The following CDK14 variants were observed in gnomAD, a reference collection of about 807,000 sequenced individuals.
CDK14 encodes cyclin dependent kinase 14.
In CDK14, 34 loss-of-function variants were observed where a neutral mutation model predicts 60.7. That is an observed-to-expected ratio of 0.56 (90% CI 0.43 to 0.75). CDK14 has a LOEUF of 0.75. Ranked by LOEUF, CDK14 falls within the 30% of genes least tolerant of loss-of-function variation. The probability of loss-of-function intolerance (pLI) is 0.00; values close to 1 mark genes in which losing one functional copy is unlikely to be tolerated. For synonymous variants in CDK14, 197 were observed against 203.7 expected (o/e 0.97, Z 0.28); for missense variants, 482 against 564.1 (o/e 0.85, Z 1.47).
chr7:90,727,168 A>C (rs543666563), intron 3 of CDK14, among the ~76,000 whole-genome samples: 4 of 152,308 alleles, frequency 2.6e-5, no homozygotes, highest in South Asian at 4.1e-4. Flanking sequence ...AAATTAGCAA[A>C]TTCACAAGGA....
intron 14 of CDK14, among the ~76,000 whole-genome samples, chr7:91,158,303 C>T (rs1005486047): frequency 1.3e-5 from 2 of 151,910 alleles, no homozygotes; most frequent in African/African-American, 4.8e-5. Flanking sequence ...GTCTCGACCT[C>T]CCGCGCTCAA....
chr7:91,048,164 C>T (rs898724287), intron 11 of CDK14, among the ~76,000 whole-genome samples: 2 of 152,178 alleles, frequency 1.3e-5, no homozygotes, highest in African/African-American at 4.8e-5. Flanking sequence ...CCAACTTCCC[C>T]TGAACCACTG....
intron 14 of CDK14, among the ~76,000 whole-genome samples, chr7:91,182,082 T>C (rs570387335): frequency 7.9e-5 from 12 of 152,252 alleles, no homozygotes; most frequent in African/African-American, 2.9e-4. Context: ...CTTTCTGATC[T>C]TAAAATGATA....
At chr7:90,987,041 A>C (rs1167922960) in intron 10 of CDK14, among the ~76,000 whole-genome samples, 1 of 152,012 alleles carries the variant, frequency 6.6e-6, no homozygotes, top group African/African-American at 2.4e-5. Flanking sequence ...ATACAGCAAC[A>C]GAACAAAAAG....
intron 9 of CDK14, among the ~76,000 whole-genome samples, chr7:90,978,727 T>C (rs1389421482): frequency 6.6e-6 from 1 of 152,148 alleles, no homozygotes; most frequent in Non-Finnish European, 1.5e-5. Flanking sequence ...CAGTTCAAAA[T>C]ACTTTAGAGA....
chr7:91,117,175 TAGC>T (rs1382576668), intron 13 of CDK14, among the ~76,000 whole-genome samples: 2 of 150,334 alleles, frequency 1.3e-5, no homozygotes, highest in Non-Finnish European at 3.0e-5. Context: ...TGTCAATAAA[TAGC>T]AGCATCATTC....
intron 8 of CDK14, among the ~76,000 whole-genome samples, chr7:90,923,278 T>G (rs1002888094): frequency 2.6e-5 from 4 of 151,792 alleles, no homozygotes; most frequent in Admixed American, 1.3e-4. Context: ...CCTGGCTAAT[T>G]TTTTGTATTT....
intron 2 of CDK14, 135 bp downstream of exon 2, chr7:90,604,384 TTATTA>T: frequency 2.0e-6 from 1 of 488,664 alleles, no homozygotes; most frequent in Non-Finnish European, 3.6e-6. Context: ...TTTCATTGCA[TTATTA>T]TATTTTCAAA....
intron 4 of CDK14, among the ~76,000 whole-genome samples, chr7:90,762,963 A>T (rs1804383691): frequency 6.6e-6 from 1 of 152,174 alleles, no homozygotes; most frequent in African/African-American, 2.4e-5. Flanking sequence ...TGGGCAAGAG[A>T]GTGAGACCCT....
At chr7:90,785,792 A>AG in intron 4 of CDK14, among the ~76,000 whole-genome samples, 1 of 145,900 alleles carries the variant, frequency 6.9e-6, no homozygotes, top group Non-Finnish European at 1.5e-5. Context: ...GTCTCAAAAA[A>AG]AAAAAAAAAA....
intron 12 of CDK14, among the ~76,000 whole-genome samples, chr7:91,111,485 G>A (rs1472593681): frequency 6.6e-6 from 1 of 152,144 alleles, no homozygotes; most frequent in Non-Finnish European, 1.5e-5. Flanking sequence ...GAATCCATTG[G>A]GAAATGCCTT....
chr7:90,761,721 A>T (rs1804320152), intron 4 of CDK14, among the ~76,000 whole-genome samples: 1 of 152,236 alleles, frequency 6.6e-6, no homozygotes, highest in Admixed American at 6.5e-5. Flanking sequence ...TGAACAGGAC[A>T]GTCTCCTGCA....
chr7:90,824,637 T>C (rs2213979), intron 5 of CDK14: 140,060 of 152,258 alleles, frequency 0.92, 64,539 homozygotes, highest in East Asian at 1. Flanking sequence ...ACAAGTTACT[T>C]AACAAAATTG....
intron 2 of CDK14, chr7:90,710,365 G>A (rs1802016349): frequency 1.0e-6 from 1 of 985,246 alleles, no homozygotes; most frequent in Non-Finnish European, 1.2e-6. Flanking sequence ...TGCCCTCTGA[G>A]TCAAGCAAGT....
chr7:90,954,630 T>TAGAGGGAAAAAAAAACAGACCTACAAA lies in CDK14; in HGVS notation c.827-1067_827-1066insAGAGGGAAAAAAAAACAGACCTACAAA, dbSNP rs770504698. Among the ~76,000 whole-genome samples, 34 of 18,166 alleles carry TAGAGGGAAAAAAAAACAGACCTACAAA rather than the reference T, an allele frequency of 1.9e-3. 4 individuals carry two copies. Among genetic ancestry groups the TAGAGGGAAAAAAAAACAGACCTACAAA allele is most frequent in the South Asian group, 4.3e-3 (2 of 466 alleles). 11.9% of individuals were successfully genotyped at this position (18,166 alleles called of 152,430 possible). A position where few individuals can be genotyped will look rare whatever the true frequency, so the allele number is the denominator to read the frequency against. The stretch of plus-strand genomic sequence containing the variant: ...GCCAAACTTTTTTCTTTTTTTTTTT[T>TAGAGGGAAAAAAAAACAGACCTACAAA]TTTTTTTTTTTTGAGACGGAGTCTC... On this transcript the variant is annotated intron_variant, in intron 8 of 14. Transcript: ENST00000380050.
chr7:90,757,551 C>A (rs1353079338), intron 4 of CDK14, among the ~76,000 whole-genome samples: 3 of 151,588 alleles, frequency 2.0e-5, no homozygotes, highest in Non-Finnish European at 4.4e-5. Flanking sequence ...TTTTAAAGTA[C>A]AAACAAAGGA....
chr7:91,062,641 T>C (rs191914423), intron 11 of CDK14, among the ~76,000 whole-genome samples: 1 of 152,322 alleles, frequency 6.6e-6, no homozygotes, highest in East Asian at 1.9e-4. Context: ...CATAGCTCTT[T>C]CCTGTGTATC....
intron 5 of CDK14, among the ~76,000 whole-genome samples, chr7:90,840,827 G>A (rs1485260433): frequency 2.0e-5 from 3 of 152,150 alleles, no homozygotes; most frequent in Non-Finnish European, 4.4e-5. Context: ...ATACCAAAGG[G>A]CTACAGCTGT....
At chr7:91,099,307 A>G (rs1031083854) in intron 12 of CDK14, among the ~76,000 whole-genome samples, 24 of 152,182 alleles carry the variant, frequency 1.6e-4, no homozygotes, top group Admixed American at 2.0e-4. Flanking sequence ...TCTCTGAAAC[A>G]TAAGCCATTC....
Sources: gnomAD v4.1 joint callset for allele counts (sites outside exome capture counted in the v4.1 genomes callset) on GRCh38, gnomAD v4.1.1 for gene constraint, MANE v1.5 for transcripts, NCBI Gene and HGNC (gene_info 2026-07-23, HGNC 2026-07-21) for gene names.